XPO5: variants seen among roughly 807,000 people sequenced by gnomAD.
XPO5 encodes the protein exportin-5.
Under a neutral mutation model 160.6 loss-of-function variants are expected in XPO5, and 46 were observed. The observed-to-expected ratio is 0.29, with a 90% confidence interval of 0.23 to 0.37. XPO5 has a LOEUF of 0.37. Among genes scored for constraint, XPO5 ranks in the 10% least tolerant of loss-of-function variants. The probability of loss-of-function intolerance (pLI) is 1.00; values close to 1 mark genes in which losing one functional copy is unlikely to be tolerated. For synonymous variants in XPO5, 537 were observed against 519.3 expected (o/e 1.03, Z -0.46); for missense variants, 1,090 against 1,463.9 (o/e 0.74, Z 4.17).
At chr6:43,552,825 G>A (rs1192153595) in intron 14 of XPO5, among the ~76,000 whole-genome samples, 1 of 152,124 alleles carries the variant, frequency 6.6e-6, no homozygotes, top group Non-Finnish European at 1.5e-5. Context: ...CACTATACTG[G>A]TGGCGTACAG....
rs1374880728 is a variant in XPO5 at position 43,546,596 on chromosome 6, G to A, written c.2317C>T (p.Leu773Phe). 1 of 1,611,152 alleles carries A rather than the reference G, an allele frequency of 6.2e-7. No homozygotes were observed. Among genetic ancestry groups the A allele is most frequent in the Non-Finnish European group, 8.5e-7 (1 of 1,179,146 alleles). The change falls in exon 20 of 32, where the codon CTT becomes TTT. Residue 773 changes from leucine to phenylalanine, a missense_variant. Leu to Phe is a conservative substitution (Grantham distance 22). Coordinates refer to ENST00000265351, the MANE Select transcript of XPO5 (RefSeq NM_020750.3). Reference sequence around the variant, plus strand: ...CTTATAAGCGCAAGCAAATTGTCAAGAAGTTTCAGAATCTGCTCTGTGCAG... The same window carrying A: ...CTTATAAGCGCAAGCAAATTGTCAAAAAGTTTCAGAATCTGCTCTGTGCAG... ...NPCTEQILKL[L>F]DNLLALIRTH...
intron 24 of XPO5, 28 bp downstream of exon 24, chr6:43,528,800 T>C: frequency 1.9e-6 from 3 of 1,604,568 alleles, no homozygotes; most frequent in East Asian, 2.2e-5. Flanking sequence ...TAGTACTCTT[T>C]GCTTCCTGTT....
chr6:43,569,733 CAAAA>C (rs111780112), intron 5 of XPO5, among the ~76,000 whole-genome samples: 1 of 104,510 alleles, frequency 9.6e-6, no homozygotes. Flanking sequence ...ACTCCCTCTC[CAAAA>C]AAAAAAAAAA....
intron 8 of XPO5, among the ~76,000 whole-genome samples, chr6:43,563,844 GGTGA>G (rs2127748110): frequency 2.0e-5 from 3 of 152,288 alleles, no homozygotes; most frequent in African/African-American, 7.2e-5. Context: ...CAGAGTGAGT[GGTGA>G]GTGAATGTGG....
rs370390582 is a variant in XPO5, at chr6:43,573,520, C to T, written c.187G>A (p.Val63Ile). The T allele has an allele frequency of 7.9e-5, 128 of 1,613,728 alleles. No homozygotes were observed. The East Asian group carries it at 2.3e-3, about 29-fold the overall frequency. ...RLAEKTQVAI[V>I]RHFGLQILEH... is the part of the protein sequence containing the mutation. Reference sequence around the variant, plus strand: ...AGGATCTGAAGGCCAAAATGTCTGACGATGGCAACTTGTGTTTTCTCAGCC... The same window carrying T: ...AGGATCTGAAGGCCAAAATGTCTGATGATGGCAACTTGTGTTTTCTCAGCC... The change falls in exon 2 of 32, where the codon GTC becomes ATC. Residue 63 changes from valine (V) to isoleucine (I), a missense_variant. Val to Ile is a conservative substitution (Grantham distance 29). Coordinates refer to ENST00000265351, the MANE Select transcript of XPO5 (RefSeq NM_020750.3).
chr6:43,562,280 C>A lies in XPO5; in HGVS notation c.978G>T (p.Leu326Phe). 6.2e-7 allele frequency: 1 copy of A among 1,609,110 alleles called. No homozygotes were observed. Among genetic ancestry groups the A allele is most frequent in the African/African-American group, 1.3e-5 (1 of 74,988 alleles). Residue 326 changes from leucine (L) to phenylalanine (F), a missense_variant, in exon 9 of 32, where the codon TTG becomes TTT. Leu to Phe is a conservative substitution (Grantham distance 22, BLOSUM62 0). Coordinates refer to ENST00000265351, the MANE Select transcript of XPO5 (RefSeq NM_020750.3). ...YVFLKRLCQVLCALGNQLCAL... is the reference protein window; with the variant it reads ...YVFLKRLCQVFCALGNQLCAL... Reference sequence around the variant, plus strand: ...CACACAGCTGATTGCCCAGCGCACACAACACCTGACAGAGCCTCTTCAGAA... The same window carrying A: ...CACACAGCTGATTGCCCAGCGCACAAAACACCTGACAGAGCCTCTTCAGAA...
chr6:43,559,885 A>T (rs1471210775), intron 11 of XPO5, among the ~76,000 whole-genome samples: 1 of 151,750 alleles, frequency 6.6e-6, no homozygotes, highest in African/African-American at 2.4e-5. Flanking sequence ...CTGCGATCTC[A>T]GCTCAATGCA....
intron 31 of XPO5, 72 bp downstream of exon 31, chr6:43,524,399 C>G: frequency 6.6e-7 from 1 of 1,515,902 alleles, no homozygotes; most frequent in African/African-American, 1.4e-5. Flanking sequence ...ATAACTACAG[C>G]TGGTTTATGG....
intron 10 of XPO5, among the ~76,000 whole-genome samples, 198 bp from the exon 11 acceptor site, chr6:43,560,501 T>C (rs1220434482): frequency 6.6e-6 from 1 of 152,250 alleles, no homozygotes; most frequent in East Asian, 1.9e-4. Context: ...ATCAAGGAAA[T>C]TACCTGGAAT....
chr6:43,539,793 G>A (rs1253522905), intron 20 of XPO5: 1 of 563,940 alleles, frequency 1.8e-6, no homozygotes, highest in African/African-American at 1.9e-5. Flanking sequence ...GAAGGTCTGG[G>A]AGAACTCCCA....
At position 43,554,280 on chromosome 6, in the gene XPO5, AT is replaced by A. The variant is rs886875201; in HGVS notation, c.1442-778del. Among the ~76,000 whole-genome samples the A allele has an allele frequency of 3.2e-3, 452 of 141,582 alleles. 1 individual carries two copies. Among genetic ancestry groups the A allele is most frequent in the Middle Eastern group, 7.5e-3 (2 of 268 alleles). The allele number at this position is 141,582 out of a possible 152,430, so 92.9% of individuals were successfully genotyped here. A position where few individuals can be genotyped will look rare whatever the true frequency, so the allele number is the denominator to read the frequency against. On this transcript the variant is annotated intron_variant, in intron 13 of 31. Coordinates refer to ENST00000265351, the MANE Select transcript of XPO5 (RefSeq NM_020750.3). Reference sequence around the variant, plus strand: ...GCCACCATGCCCGGCTAATTTTTGTATTTTTTTTTTTTAGTAGAGACGAGGT... The same window carrying A: ...GCCACCATGCCCGGCTAATTTTTGTATTTTTTTTTTTAGTAGAGACGAGGT...
intron 20 of XPO5, chr6:43,538,770 T>TG: frequency 6.1e-6 from 4 of 651,612 alleles, no homozygotes; most frequent in Middle Eastern, 4.2e-4. Context: ...ACTACATTTT[T>TG]CTTTTTTTTT....
At chr6:43,527,187 G>C (rs902089323) in intron 26 of XPO5, 1 of 208,398 alleles carries the variant, frequency 4.8e-6, no homozygotes, top group Non-Finnish European at 9.9e-6. Context: ...TATTCAGCTT[G>C]CAATTCATAA....
intron 23 of XPO5, 145 bp downstream of exon 23, chr6:43,530,543 G>GTT: frequency 3.0e-6 from 3 of 987,972 alleles, no homozygotes; most frequent in Non-Finnish European, 4.2e-6. Context: ...ATCTGCCAGT[G>GTT]TTTTTAATGA....
In XPO5 at chr6:43,523,362, A is replaced by G. The variant is rs1396748976; in HGVS notation, c.*506T>C. ...CTTCAGCACTTAGCACCTAACCCAG[A>G]CATGCCCCTTAGGGAGTGGGGAAAG... On this transcript the variant is annotated 3_prime_UTR_variant, in exon 32 of 32. Coordinates refer to ENST00000265351, the MANE Select transcript of XPO5 (RefSeq NM_020750.3). 4.9e-5 allele frequency: 14 copies of G among 283,804 alleles called. No individual in the cohort carries two copies. In the East Asian group the frequency reaches 1.3e-3, roughly 25 times the overall value. 17.6% of individuals were successfully genotyped at this position (283,804 alleles called of 1,614,324 possible). A position where few individuals can be genotyped will look rare whatever the true frequency, so the allele number is the denominator to read the frequency against.
chr6:43,535,117 C>G (rs1476593046), intron 20 of XPO5, among the ~76,000 whole-genome samples: 1 of 150,460 alleles, frequency 6.6e-6, no homozygotes, highest in African/African-American at 2.5e-5. Context: ...ACAGTGAAAC[C>G]CTGTCTCTAC....
In XPO5 at chr6:43,526,725, C is replaced by G; in HGVS notation, c.2943G>C (p.Lys981Asn). Reference protein sequence around the residue: ...DLITVCCVSKKGADHSSAPPA... With the variant: ...DLITVCCVSKNGADHSSAPPA... ...GGGGAGCACTACTGTGGTCAGCACC[C>G]TTCTTTGAAACACAGCAAACCGCTA... The change falls in exon 27 of 32, where the codon AAG becomes AAC. Residue 981 changes from lysine (K) to asparagine (N), a missense_variant. Lys to Asn is a moderately conservative substitution (Grantham distance 94). This residue lies in a region of XPO5 where 810 missense variants were observed against 1,139.0 expected (regional missense o/e 0.71). Transcript: ENST00000265351. The G allele has an allele frequency of 6.2e-7, 1 of 1,613,918 alleles. No homozygotes were observed. Among genetic ancestry groups the G allele is most frequent in the Non-Finnish European group, 8.5e-7 (1 of 1,179,878 alleles).
chr6:43,549,658 A>G lies in XPO5; in HGVS notation c.1771-80T>C, dbSNP rs1795134887. 8.1e-6 allele frequency: 12 copies of G among 1,473,500 alleles called. No individual in the cohort carries two copies. In the South Asian group the frequency reaches 1.3e-4, roughly 16 times the overall value. 91.3% of individuals were successfully genotyped at this position (1,473,500 alleles called of 1,614,324 possible). On this transcript the variant is annotated intron_variant, in intron 16 of 31. Coordinates refer to ENST00000265351, the MANE Select transcript of XPO5 (RefSeq NM_020750.3). ...CTGCATAGACTCATGTGAATATCTC[A>G]GTCAGGGGCAAATTCACAATGATTT...
At chr6:43,556,173 C>G in intron 12 of XPO5, 1 of 536,068 alleles carries the variant, frequency 1.9e-6, no homozygotes, top group Non-Finnish European at 3.1e-6. Flanking sequence ...AACTGTATTA[C>G]CAGCTAGATC....
Sources: allele counts gnomAD v4.1 joint callset (sites outside exome capture counted in the v4.1 genomes callset), GRCh38; gene constraint gnomAD v4.1.1; regional missense constraint gnomAD v4.1.1; transcripts MANE v1.5; gene names NCBI Gene and HGNC (gene_info 2026-07-23, HGNC 2026-07-21).